Variants in SKIC2 observed in about 807,000 individuals in gnomAD.
SKIC2 encodes superkiller complex protein 2.
At chr6:31,959,442 C>T in the SKIC2 span, 1 of 1,347,314 alleles carries the variant, frequency 7.4e-7, no homozygotes, top group Non-Finnish European at 1.1e-6. Context: ...GCATTGAGTC[C>T]AAACCTCCTT....
chr6:31,962,599 A>G, the SKIC2 span: 17 of 1,611,222 alleles, frequency 1.1e-5, no homozygotes, highest in Admixed American at 1.7e-5. The surrounding 1 kb of genome is among the most constrained non-coding windows in gnomAD (Gnocchi z 5.0). Context: ...AGAGATGGAC[A>G]CTCAATACAG....
At chr6:31,964,170 G>C in the SKIC2 span, 1 of 1,609,162 alleles carries the variant, frequency 6.2e-7, no homozygotes, top group Non-Finnish European at 8.5e-7. The surrounding 1 kb of genome is among the most constrained non-coding windows in gnomAD (Gnocchi z 5.0). Flanking sequence ...ACATTTGGCA[G>C]ACTGGTGGGG....
chr6:31,960,637 G>A, the SKIC2 span: 2 of 1,589,758 alleles, frequency 1.3e-6, no homozygotes, highest in Admixed American at 1.7e-5. Flanking sequence ...CTCATCCCAT[G>A]AATCCCTGTC....
chr6:31,965,817 T>C, the SKIC2 span: 1 of 1,612,496 alleles, frequency 6.2e-7, no homozygotes, highest in Non-Finnish European at 8.5e-7. This position sits in a 1 kb window ranked among gnomAD's most constrained non-coding sequence, Gnocchi z 5.6. Context: ...GCCATGGGAG[T>C]AAACATGCCT....
chr6:31,967,428 C>T, the SKIC2 span: 1 of 1,426,434 alleles, frequency 7.0e-7, no homozygotes, highest in Non-Finnish European at 9.9e-7. This position sits in a 1 kb window ranked among gnomAD's most constrained non-coding sequence, Gnocchi z 4.9. Flanking sequence ...AGCAAGCCCT[C>T]TCTCCATTTT....
chr6:31,969,036 G>A, the SKIC2 span: 1 of 1,612,456 alleles, frequency 6.2e-7, no homozygotes, highest in Non-Finnish European at 8.5e-7. The surrounding 1 kb of genome is among the most constrained non-coding windows in gnomAD (Gnocchi z 6.1). Context: ...CTCTGGCCTG[G>A]TCTGCCAGAG....
the SKIC2 span, chr6:31,961,754 G>T: frequency 1.3e-6 from 2 of 1,566,248 alleles, no homozygotes; most frequent in African/African-American, 1.3e-5. Context: ...CTCCTCTATT[G>T]GCCAGAGGTC....
chr6:31,964,002 T>C, the SKIC2 span: 10 of 1,612,692 alleles, frequency 6.2e-6, no homozygotes, highest in Non-Finnish European at 8.5e-6. This position sits in a 1 kb window ranked among gnomAD's most constrained non-coding sequence, Gnocchi z 5.0. Context: ...GGGGCCGCTG[T>C]GATGAGCAGG....
At chr6:31,966,732 C>T in the SKIC2 span, 1 of 1,613,952 alleles carries the variant, frequency 6.2e-7, no homozygotes, top group East Asian at 2.2e-5. The surrounding 1 kb of genome is among the most constrained non-coding windows in gnomAD (Gnocchi z 5.9). Flanking sequence ...AGCTGCAGTC[C>T]CAGTTCCGCC....
chr6:31,967,087 G>T, the SKIC2 span: 1 of 1,612,902 alleles, frequency 6.2e-7, no homozygotes, highest in Non-Finnish European at 8.5e-7. This position sits in a 1 kb window ranked among gnomAD's most constrained non-coding sequence, Gnocchi z 4.9. Flanking sequence ...TGGTCGACCT[G>T]CCTGAATATT....
chr6:31,959,176 G>C, the SKIC2 span: 1 of 1,609,698 alleles, frequency 6.2e-7, no homozygotes, highest in Non-Finnish European at 8.5e-7. Flanking sequence ...CTGCCAGGCA[G>C]CTGCTGTGGC....
the SKIC2 span, chr6:31,961,121 T>C: frequency 6.2e-7 from 1 of 1,611,620 alleles, no homozygotes; most frequent in African/African-American, 1.3e-5. Flanking sequence ...GAGTGGGGTG[T>C]AGGAGAAGTC....
chr6:31,966,670 C>T, the SKIC2 span: 1 of 1,611,986 alleles, frequency 6.2e-7, no homozygotes, highest in East Asian at 2.2e-5. This position sits in a 1 kb window ranked among gnomAD's most constrained non-coding sequence, Gnocchi z 5.9. Context: ...TTCAGTAGGT[C>T]CCACCCTGAT....
chr6:31,960,136 G>A, the SKIC2 span: 2 of 1,608,276 alleles, frequency 1.2e-6, no homozygotes, highest in Admixed American at 1.7e-5. Flanking sequence ...AGTCTGGAGG[G>A]GCTTAGACTA....
At chr6:31,963,151 T>A in the SKIC2 span, 1 of 1,213,106 alleles carries the variant, frequency 8.2e-7, no homozygotes. This position sits in a 1 kb window ranked among gnomAD's most constrained non-coding sequence, Gnocchi z 5.3. Context: ...TTGATTCGGG[T>A]GGGGGACTAA....
the SKIC2 span, chr6:31,969,366 G>T: frequency 3.1e-6 from 5 of 1,614,112 alleles, no homozygotes; most frequent in Admixed American, 1.7e-5. This position sits in a 1 kb window ranked among gnomAD's most constrained non-coding sequence, Gnocchi z 6.1. Flanking sequence ...AGGAATTTGT[G>T]GGGGAGCTGA....
chr6:31,961,733 C>G, the SKIC2 span: 1 of 1,583,620 alleles, frequency 6.3e-7, no homozygotes, highest in Admixed American at 1.7e-5. Flanking sequence ...CACTCCCAGC[C>G]GACCCCTTGT....
At chr6:31,960,686 A>G in the SKIC2 span, 21 of 1,588,552 alleles carry the variant, frequency 1.3e-5, no homozygotes, top group African/African-American at 2.2e-4. Context: ...TGAACCCACC[A>G]TAACAGATCT....
chr6:31,964,111 C>T, the SKIC2 span: 57 of 1,612,446 alleles, frequency 3.5e-5, no homozygotes, highest in South Asian at 7.7e-5. The surrounding 1 kb of genome is among the most constrained non-coding windows in gnomAD (Gnocchi z 5.0). Flanking sequence ...TGGCTCTGAC[C>T]GCCAGCTGCC....
Sources: allele counts gnomAD v4.1 joint callset, GRCh38; gene constraint gnomAD v4.1.1; non-coding constraint Gnocchi (gnomAD v3.1); transcripts MANE v1.5; gene names NCBI Gene and HGNC (gene_info 2026-07-23, HGNC 2026-07-21).